PPARGC1A: variants seen among roughly 807,000 people sequenced by gnomAD.
The protein encoded by PPARGC1A is PPARG coactivator 1 alpha, also known as peroxisome proliferator-activated receptor gamma coactivator 1-alpha.
Under a neutral mutation model 88.7 loss-of-function variants are expected in PPARGC1A, and 25 were observed. The ratio of observed to expected loss-of-function variants is 0.28; its 90% CI spans 0.21 to 0.39. The LOEUF (loss-of-function observed/expected upper bound fraction) is 0.39. PPARGC1A is among the 10% of genes least tolerant of loss of function. The probability of loss-of-function intolerance (pLI) is 1.00; values close to 1 mark genes in which losing one functional copy is unlikely to be tolerated. For missense variants in PPARGC1A, 880 were observed against 968.7 expected, an observed-to-expected ratio of 0.91 and a Z score of 1.22; for synonymous variants, 363 against 355.6, an observed-to-expected ratio of 1.02 and a Z score of -0.24.
chr4:23,930,876 C>G, the PPARGC1A span, among the ~76,000 whole-genome samples: 1 of 152,230 alleles, frequency 6.6e-6, no homozygotes, highest in Non-Finnish European at 1.5e-5. Flanking sequence ...CAGATAAGAG[C>G]TGTTCAAAGT....
the PPARGC1A span, among the ~76,000 whole-genome samples, chr4:24,186,243 G>T: frequency 6.6e-6 from 1 of 152,086 alleles, no homozygotes; most frequent in East Asian, 1.9e-4. Context: ...GAGACAGAGA[G>T]ACCTAGTGCC....
the PPARGC1A span, among the ~76,000 whole-genome samples, chr4:24,087,602 G>T: frequency 1.3e-5 from 2 of 152,166 alleles, no homozygotes; most frequent in African/African-American, 2.4e-5. Flanking sequence ...TCATGCAAGC[G>T]TAATCACCTC....
chr4:24,441,311 T>C, the PPARGC1A span, among the ~76,000 whole-genome samples: 13 of 152,202 alleles, frequency 8.5e-5, no homozygotes, highest in African/African-American at 3.1e-4. Flanking sequence ...TATTCTGTCT[T>C]GTAATAACCT....
At chr4:24,407,950 G>A in the PPARGC1A span, among the ~76,000 whole-genome samples, 1 of 152,090 alleles carries the variant, frequency 6.6e-6, no homozygotes. Flanking sequence ...CTTCTTAAAA[G>A]GCCTCGTTTG....
chr4:23,949,003 A>G, the PPARGC1A span, among the ~76,000 whole-genome samples: 1 of 152,008 alleles, frequency 6.6e-6, no homozygotes, highest in Non-Finnish European at 1.5e-5. Flanking sequence ...TAACTCTTAA[A>G]CCATGTTACT....
chr4:23,890,266 A>C, upstream of PPARGC1A: 4 of 345,742 alleles, frequency 1.2e-5, no homozygotes, highest in Non-Finnish European at 1.9e-5. Flanking sequence ...GAAAGGAAAC[A>C]CTTAGACTTT....
the PPARGC1A span, among the ~76,000 whole-genome samples, chr4:24,038,258 A>G: frequency 1.3e-5 from 2 of 152,156 alleles, no homozygotes; most frequent in Non-Finnish European, 2.9e-5. Context: ...TAGCCCCTCT[A>G]CAAAACCAGA....
At chr4:24,387,806 AAG>A in the PPARGC1A span, among the ~76,000 whole-genome samples, 1 of 115,050 alleles carries the variant, frequency 8.7e-6, no homozygotes, top group Non-Finnish European at 1.9e-5. Flanking sequence ...GAAAGAAAGA[AAG>A]AAAGAAAGAA....
chr4:23,824,417 G>A (rs1049845850), intron 6 of PPARGC1A, 46 bp downstream of exon 6: 14 of 1,604,462 alleles, frequency 8.7e-6, no homozygotes, highest in Non-Finnish European at 1.1e-5. Flanking sequence ...AAATGTATTA[G>A]AACCCCCTTC....
chr4:24,347,776 A>G, the PPARGC1A span, among the ~76,000 whole-genome samples: 2 of 152,028 alleles, frequency 1.3e-5, no homozygotes, highest in Non-Finnish European at 1.5e-5. Context: ...TTGAAATGTG[A>G]GGTACTGTTG....
the PPARGC1A span, among the ~76,000 whole-genome samples, chr4:24,387,770 A>AGAGAGAGAGAGAGAGAG: frequency 5.1e-5 from 3 of 58,872 alleles, no homozygotes; most frequent in African/African-American, 7.4e-5. Flanking sequence ...GAGAGAGAGA[A>AGAGAGAGAGAGAGAGAG]AGAAAGAAAG....
chr4:23,993,240 G>A, the PPARGC1A span, among the ~76,000 whole-genome samples: 1 of 152,170 alleles, frequency 6.6e-6, no homozygotes, highest in Non-Finnish European at 1.5e-5. Flanking sequence ...GCCAGGTAAT[G>A]CAATAAGTGT....
the PPARGC1A span, among the ~76,000 whole-genome samples, chr4:24,017,393 G>A: frequency 6.6e-6 from 1 of 152,232 alleles, no homozygotes; most frequent in East Asian, 1.9e-4. Context: ...TGAATGATGA[G>A]GGTGAGTTTT....
At chr4:23,869,620 C>T (rs1229058110) in intron 2 of PPARGC1A, among the ~76,000 whole-genome samples, 1 of 125,138 alleles carries the variant, frequency 8.0e-6, no homozygotes, top group East Asian at 2.5e-4. Flanking sequence ...GTTTTGAAAG[C>T]TCTAAGGTTG....
chr4:23,937,017 T>C, the PPARGC1A span, among the ~76,000 whole-genome samples: 10 of 152,010 alleles, frequency 6.6e-5, no homozygotes, highest in Admixed American at 1.3e-4. Context: ...GGCACTTCTG[T>C]GCGAAGTCAC....
intron 1 of PPARGC1A, among the ~76,000 whole-genome samples, chr4:23,896,935 G>C (rs550331077): frequency 6.6e-6 from 1 of 152,070 alleles, no homozygotes; most frequent in Admixed American, 6.6e-5. Flanking sequence ...GTTTCAACCC[G>C]GTGACATACA....
chr4:24,233,155 G>A, the PPARGC1A span, among the ~76,000 whole-genome samples: 1 of 152,146 alleles, frequency 6.6e-6, no homozygotes. Context: ...ACAACCGTCA[G>A]AAGTCTCACT....
intron 1 of PPARGC1A, among the ~76,000 whole-genome samples, chr4:23,886,508 C>T (rs1222717177): frequency 6.6e-6 from 1 of 152,072 alleles, no homozygotes. Context: ...TCCCTGGCAG[C>T]AGGGACAAGG....
At chr4:23,984,202 GT>G in the PPARGC1A span, among the ~76,000 whole-genome samples, 4 of 151,934 alleles carry the variant, frequency 2.6e-5, no homozygotes, top group African/African-American at 9.7e-5. Context: ...TTTCCTCCAG[GT>G]TTCATCTGGA....
Sources: gnomAD v4.1 joint callset for allele counts (sites outside exome capture counted in the v4.1 genomes callset) on GRCh38, gnomAD v4.1.1 for gene constraint, MANE v1.5 for transcripts, NCBI Gene and HGNC (gene_info 2026-07-23, HGNC 2026-07-21) for gene names.